Variants in CDC20B observed in about 807,000 individuals in gnomAD.
CDC20B encodes cell division cycle 20B, also known as cell division cycle protein 20 homolog B.
In CDC20B, 58 loss-of-function variants were observed where a neutral mutation model predicts 64.1. The observed-to-expected ratio is 0.90, with a 90% CI of 0.73 to 1.13. The LOEUF is 1.13. CDC20B is among the 50% of genes most tolerant of loss of function. CDC20B has a pLI of 0.00. For synonymous variants in CDC20B, 243 were observed against 230.6 expected, an observed-to-expected ratio of 1.05 and a Z score of -0.49; for missense variants, 597 against 633.0, an observed-to-expected ratio of 0.94 and a Z score of 0.61.
chr5:55,138,521 T>G (rs1452013308), intron 5 of CDC20B, among the ~76,000 whole-genome samples: 1 of 152,122 alleles, frequency 6.6e-6, no homozygotes, highest in Non-Finnish European at 1.5e-5. Flanking sequence ...AACTAAGCTC[T>G]TTACCCTAGT....
intron 11 of CDC20B, among the ~76,000 whole-genome samples, chr5:55,119,578 C>T (rs1053473408): frequency 6.6e-6 from 1 of 152,156 alleles, no homozygotes; most frequent in East Asian, 1.9e-4. Flanking sequence ...TATACATATG[C>T]AAGGAGGAGA....
chr5:55,123,905 C>T (rs559487476), intron 9 of CDC20B, among the ~76,000 whole-genome samples: 32 of 152,262 alleles, frequency 2.1e-4, no homozygotes, highest in African/African-American at 7.2e-4. Flanking sequence ...GTAGTGGCAG[C>T]AGTCACTATA....
intron 2 of CDC20B, among the ~76,000 whole-genome samples, chr5:55,163,387 AT>A (rs568775497): frequency 1.1e-3 from 160 of 152,132 alleles, no homozygotes; most frequent in African/African-American, 3.7e-3. Flanking sequence ...AAATAAGGTG[AT>A]TATTCACTTT....
At chr5:55,161,391 T>A in intron 2 of CDC20B, 1 of 834,702 alleles carries the variant, frequency 1.2e-6, no homozygotes, top group East Asian at 2.5e-5. Flanking sequence ...AGAGCCAGAA[T>A]CTCATCCTTT....
Position 55,124,957 on chromosome 5 carries a change from T to C in CDC20B, c.1061A>G (p.His354Arg), listed in dbSNP as rs752136177. ...CTTCAGAGCACACACAGCTTGCTTG[T>C]GGCGAAGTGTTCCAACATGATGCTG... ...VAQHHVGTLR[H>R]KQAVCALKWS... Residue 354 changes from histidine to arginine, a missense_variant, in exon 9 of 12, where the codon CAC becomes CGC. By Grantham distance (29) the His-to-Arg change is conservative. Coordinates refer to ENST00000381375, the MANE Select transcript of CDC20B (RefSeq NM_001170402.1). 2 of 1,614,200 alleles carry C rather than the reference T, an allele frequency of 1.2e-6. No individual in the cohort carries two copies. The highest frequency in any genetic ancestry group is 2.2e-5 in the South Asian group (2 of 91,090).
At chr5:55,119,017 AG>A (rs1742690935) in intron 11 of CDC20B, among the ~76,000 whole-genome samples, 1 of 152,212 alleles carries the variant, frequency 6.6e-6, no homozygotes, top group Non-Finnish European at 1.5e-5. Flanking sequence ...CACCCCAAAA[AG>A]TACCTCCCAC....
At chr5:55,128,237 C>A (rs1015548329) in intron 7 of CDC20B, among the ~76,000 whole-genome samples, 184 bp downstream of exon 7, 1 of 144,446 alleles carries the variant, frequency 6.9e-6, no homozygotes, top group South Asian at 2.3e-4. Context: ...AGTATCCTTA[C>A]GTTTTCATTA....
chr5:55,168,150 C>A lies in CDC20B; in HGVS notation c.126+4438G>T, dbSNP rs1037439796. 2.6e-5 allele frequency among the ~76,000 whole-genome samples: 4 copies of A among 152,032 alleles called. No homozygotes were observed. The East Asian group carries it at 7.7e-4, about 29-fold the overall frequency. On this transcript the variant is annotated intron_variant, in intron 2 of 11. Coordinates refer to ENST00000381375, the MANE Select transcript of CDC20B (RefSeq NM_001170402.1). ...GCCTAGAAACTAATCCACCACACTC[C>A]TTCCCACTCTTCCCTTCCCCTCATC...
At chr5:55,140,478 A>T in intron 4 of CDC20B, 71 bp from the exon 5 acceptor site, 1 of 1,004,498 alleles carries the variant, frequency 1.0e-6, no homozygotes, top group Admixed American at 2.3e-5. Flanking sequence ...GTAATGTATA[A>T]TATAGAATTA....
chr5:55,139,543 T>C (rs1408583772), intron 5 of CDC20B, among the ~76,000 whole-genome samples: 2 of 152,186 alleles, frequency 1.3e-5, no homozygotes, highest in Admixed American at 6.5e-5. Flanking sequence ...CATAGTTATC[T>C]AGTAAATGAA....
chr5:55,162,516 A>C (rs1433903299), intron 2 of CDC20B, among the ~76,000 whole-genome samples: 2 of 152,382 alleles, frequency 1.3e-5, no homozygotes, highest in East Asian at 3.9e-4. Flanking sequence ...TCACTCAGGC[A>C]ATCAAGCTTC....
intron 7 of CDC20B, 53 bp downstream of exon 7, chr5:55,128,368 T>A: frequency 2.9e-6 from 4 of 1,382,034 alleles, no homozygotes; most frequent in Non-Finnish European, 3.9e-6. Flanking sequence ...AAGTCAATTA[T>A]AGTGTAATAA....
At chr5:55,172,869 A>G (rs767360723) in intron 1 of CDC20B, 69 bp downstream of exon 1, 179 of 1,436,520 alleles carry the variant, frequency 1.2e-4, no homozygotes, top group Non-Finnish European at 1.6e-4. Flanking sequence ...TCCTAAACAG[A>G]TATTATGAAC....
intron 4 of CDC20B, among the ~76,000 whole-genome samples, chr5:55,142,932 A>G (rs879424141): frequency 5.3e-5 from 8 of 152,340 alleles, no homozygotes; most frequent in Admixed American, 4.6e-4. Context: ...ATTGGATTTG[A>G]TAAATTCAAA....
At chr5:55,135,489 C>T (rs1024195276) in intron 5 of CDC20B, among the ~76,000 whole-genome samples, 1 of 152,174 alleles carries the variant, frequency 6.6e-6, no homozygotes, top group Non-Finnish European at 1.5e-5. Flanking sequence ...AGACAAGGTT[C>T]ACACTCTCAT....
At chr5:55,131,973 G>A (rs1367647890) in intron 6 of CDC20B, among the ~76,000 whole-genome samples, 2 of 152,064 alleles carry the variant, frequency 1.3e-5, no homozygotes, top group South Asian at 2.1e-4. Context: ...AAGAGGCTGA[G>A]GCACGAGAAT....
Position 55,114,430 on chromosome 5 carries a change from T to G in CDC20B, c.1460-112A>C. 6.8e-7 allele frequency: 1 copy of G among 1,475,474 alleles called. No homozygotes were observed. The highest frequency in any genetic ancestry group is 9.0e-7 in the Non-Finnish European group (1 of 1,110,894). 91.4% of individuals were successfully genotyped at this position (1,475,474 alleles called of 1,614,324 possible). On this transcript the variant is annotated intron_variant, in intron 11 of 11. Transcript: ENST00000381375. The surrounding 1 kb of genome is among the most constrained non-coding windows in gnomAD (Gnocchi z 4.1). ...GAGTCCCATCCCAGGATAAAGGGCT[T>G]TCCCACACCCACCAGGTTCAGAGCT...
At chr5:55,172,852 C>T (rs1744650630) in intron 1 of CDC20B, 86 bp downstream of exon 1, 4 of 1,326,616 alleles carry the variant, frequency 3.0e-6, no homozygotes, top group African/African-American at 3.0e-5. Context: ...TTCGTACCAC[C>T]TCTTGGTCCT....
At chr5:55,161,099 T>G in intron 2 of CDC20B, 1 of 1,614,192 alleles carries the variant, frequency 6.2e-7, no homozygotes, top group South Asian at 1.1e-5. Flanking sequence ...CTTCAGCGTG[T>G]TGGCTTTTCC....
Sources: gnomAD v4.1 joint callset for allele counts (sites outside exome capture counted in the v4.1 genomes callset) on GRCh38, gnomAD v4.1.1 for gene constraint, Gnocchi (gnomAD v3.1) non-coding constraint, MANE v1.5 for transcripts, NCBI Gene and HGNC (gene_info 2026-07-23, HGNC 2026-07-21) for gene names.